Variants in EYS observed in about 807,000 individuals in gnomAD.
EYS encodes EGF-like photoreceptor maintenance factor.
In EYS, 250 loss-of-function variants were observed where a neutral mutation model predicts 282.1. The observed-to-expected ratio is 0.89, with a 90% CI of 0.80 to 0.98. The LOEUF (loss-of-function observed/expected upper bound fraction) is 0.98, where lower values mean the gene tolerates loss of function less well. EYS is among the 50% of genes least tolerant of loss of function. The pLI, the probability that EYS is intolerant of heterozygous loss-of-function variation, is 0.00. For synonymous variants in EYS, 1,355 were observed against 1,282.9 expected (o/e 1.06, Z -1.20); for missense variants, 4,016 against 3,709.0 (o/e 1.08, Z -2.15).
intron 26 of EYS, among the ~76,000 whole-genome samples, chr6:64,555,957 C>T (rs1479895329): frequency 6.6e-6 from 1 of 151,664 alleles, no homozygotes; most frequent in South Asian, 2.1e-4. Flanking sequence ...ACTAGAATAG[C>T]AAAAATTAAA....
chr6:65,222,036 A>G (rs1282524856), intron 12 of EYS, among the ~76,000 whole-genome samples: 2 of 152,146 alleles, frequency 1.3e-5, no homozygotes, highest in Admixed American at 1.3e-4. Flanking sequence ...CTGTACCCCC[A>G]TTATACCTAG....
chr6:65,365,571 G>C (rs12191398), intron 8 of EYS, among the ~76,000 whole-genome samples: 102,593 of 151,294 alleles, frequency 0.68, 35,037 homozygotes, highest in South Asian at 0.71. Flanking sequence ...ATCTCATTGA[G>C]TGACTATTAC....
intron 12 of EYS, among the ~76,000 whole-genome samples, chr6:65,284,358 A>G (rs1331084965): frequency 6.6e-6 from 1 of 152,184 alleles, no homozygotes; most frequent in Non-Finnish European, 1.5e-5. Flanking sequence ...TGCCATATGA[A>G]AAAAGCTACT....
intron 23 of EYS, among the ~76,000 whole-genome samples, chr6:64,621,229 C>CTA (rs1360677248): frequency 6.6e-6 from 1 of 152,084 alleles, no homozygotes; most frequent in African/African-American, 2.4e-5. Context: ...TATTACCATT[C>CTA]TATAACATAA....
At chr6:64,104,940 G>A (rs968118046) in intron 31 of EYS, among the ~76,000 whole-genome samples, 3 of 151,846 alleles carry the variant, frequency 2.0e-5, no homozygotes, top group African/African-American at 7.3e-5. Flanking sequence ...CCTGGGACTA[G>A]ATAAAGTATG....
chr6:64,210,792 T>C (rs887676275), intron 31 of EYS, among the ~76,000 whole-genome samples: 2 of 152,126 alleles, frequency 1.3e-5, no homozygotes, highest in African/African-American at 2.4e-5. Context: ...TGTGAATCAG[T>C]AGACTGGGTG....
At chr6:65,261,689 A>G (rs1343643747) in intron 12 of EYS, among the ~76,000 whole-genome samples, 1 of 152,058 alleles carries the variant, frequency 6.6e-6, no homozygotes, top group Admixed American at 6.6e-5. Context: ...AAGTTTTCTT[A>G]TTCTAAATCT....
intron 2 of EYS, among the ~76,000 whole-genome samples, chr6:65,517,344 A>C (rs949242358): frequency 2.9e-4 from 44 of 149,624 alleles, no homozygotes; most frequent in South Asian, 1.5e-3. Context: ...ACAACAACAA[A>C]AAAAAAACAA....
intron 26 of EYS, among the ~76,000 whole-genome samples, chr6:64,452,852 A>G (rs529181009): frequency 6.6e-6 from 1 of 152,356 alleles, no homozygotes; most frequent in African/African-American, 2.4e-5. Flanking sequence ...TTATACAAAA[A>G]TTAATTCAAG....
intron 28 of EYS, among the ~76,000 whole-genome samples, chr6:64,405,565 A>G (rs1207223945): frequency 6.6e-6 from 1 of 152,210 alleles, no homozygotes; most frequent in Non-Finnish European, 1.5e-5. Flanking sequence ...ACATGATTGT[A>G]TATTTAGAAA....
chr6:64,171,183 T>C (rs1343977796), intron 31 of EYS, among the ~76,000 whole-genome samples: 2 of 152,208 alleles, frequency 1.3e-5, no homozygotes, highest in South Asian at 2.1e-4. Flanking sequence ...AGTTATTGAC[T>C]TGGTTTAAAA....
At chr6:65,310,189 C>A (rs1464164309) in intron 11 of EYS, among the ~76,000 whole-genome samples, 2 of 152,024 alleles carry the variant, frequency 1.3e-5, no homozygotes, top group African/African-American at 4.8e-5. Flanking sequence ...ACTAAAAATA[C>A]AAAAATTAGT....
Position 65,408,628 on chromosome 6 carries a change from CATTCCG to C in EYS, c.863-3267_863-3262del, listed in dbSNP as rs1766855106. Among the ~76,000 whole-genome samples, 3 of 152,086 alleles carry C rather than the reference CATTCCG, an allele frequency of 2.0e-5. No homozygotes were observed. In the South Asian group the frequency reaches 6.2e-4, roughly 32 times the overall value. On this transcript the variant is annotated intron_variant, in intron 5 of 42. Coordinates refer to ENST00000503581, the MANE Select transcript of EYS (RefSeq NM_001142800.2). ...TCTTTCCTTGTATTTTTTCCTTGTTCATTCCGACTAAAGATTTGTCCATTTCGTTTT... is the reference window on the plus strand; with the variant it reads ...TCTTTCCTTGTATTTTTTCCTTGTTCACTAAAGATTTGTCCATTTCGTTTT...
intron 22 of EYS, among the ~76,000 whole-genome samples, chr6:64,672,714 C>T (rs1286427114): frequency 6.6e-6 from 1 of 152,124 alleles, no homozygotes; most frequent in Non-Finnish European, 1.5e-5. Flanking sequence ...CTTTTGAGTA[C>T]AGTAACTGCA....
intron 12 of EYS, among the ~76,000 whole-genome samples, chr6:65,158,065 C>CT (rs916694658): frequency 3.3e-5 from 5 of 150,614 alleles, no homozygotes; most frequent in South Asian, 2.1e-4. Flanking sequence ...GAATAACAAT[C>CT]TATAGGGGTG....
At chr6:65,047,695 C>T (rs929989418) in intron 13 of EYS, among the ~76,000 whole-genome samples, 35 of 151,878 alleles carry the variant, frequency 2.3e-4, no homozygotes, top group African/African-American at 8.2e-4. Context: ...GTGATTGGAT[C>T]CTAGCAGGCA....
chr6:64,578,880 T>C (rs969435291), intron 26 of EYS, among the ~76,000 whole-genome samples: 1 of 152,168 alleles, frequency 6.6e-6, no homozygotes, highest in African/African-American at 2.4e-5. Flanking sequence ...TCTTAATTAC[T>C]GACATTAAAT....
At chr6:63,746,699 C>A (rs1331561311) in intron 41 of EYS, among the ~76,000 whole-genome samples, 2 of 152,108 alleles carry the variant, frequency 1.3e-5, no homozygotes, top group African/African-American at 4.8e-5. Flanking sequence ...CTACATTTTT[C>A]CAGTTTATTT....
intron 12 of EYS, among the ~76,000 whole-genome samples, chr6:65,291,301 G>A (rs529269053): frequency 6.6e-6 from 1 of 151,524 alleles, no homozygotes; most frequent in South Asian, 2.1e-4. Flanking sequence ...TTAATAATTG[G>A]CATAGTGAAT....
Sources: allele counts gnomAD v4.1 joint callset (sites outside exome capture counted in the v4.1 genomes callset), GRCh38; gene constraint gnomAD v4.1.1; transcripts MANE v1.5; gene names NCBI Gene and HGNC (gene_info 2026-07-23, HGNC 2026-07-21).